The following BSN variants were observed in gnomAD, a reference collection of about 807,000 sequenced individuals.
BSN encodes bassoon presynaptic cytomatrix protein.
A neutral mutation model predicts 264.8 loss-of-function variants in BSN; 57 were observed. The ratio of observed to expected loss-of-function variants is 0.22; its 90% CI spans 0.17 to 0.27. The LOEUF is 0.27. Among genes scored for constraint, BSN ranks in the 10% least tolerant of loss-of-function variants. The probability of loss-of-function intolerance (pLI) is 1.00; values close to 1 mark genes in which losing one functional copy is unlikely to be tolerated. For synonymous variants in BSN, 2,059 were observed against 2,137.3 expected (o/e 0.96, Z 1.01); for missense variants, 4,615 against 5,232.5 (o/e 0.88, Z 3.64).
At chr3:49,629,625 G>A (rs1302726580) in intron 2 of BSN, among the ~76,000 whole-genome samples, 2 of 152,248 alleles carry the variant, frequency 1.3e-5, no homozygotes, top group East Asian at 1.9e-4. Context: ...CATCCCAGGA[G>A]TGACTGCGGT....
Position 49,642,873 on chromosome 3 carries a change from A to G in BSN, c.1239A>G (p.Lys413=). 3.1e-6 allele frequency: 5 copies of G among 1,613,834 alleles called. No individual in the cohort carries two copies. The highest frequency in any genetic ancestry group is 4.2e-6 in the Non-Finnish European group (5 of 1,179,996). The stretch of plus-strand genomic sequence containing the variant: ...GGCCTGGGCCAGCACCTGGAGCCAA[A>G]ACTGAGCCTGGGGCTAGAATGGGTC... The part of the protein sequence containing the change: ...GPGPGPAPGA[K]TEPGARMGPG... The change falls in exon 3 of 12, where the codon AAA becomes AAG. Residue 413 remains lysine (K), a synonymous_variant. Coordinates refer to ENST00000296452, the MANE Select transcript of BSN (RefSeq NM_003458.4). This position sits in a 1 kb window ranked among gnomAD's most constrained non-coding sequence, Gnocchi z 7.0.
chr3:49,611,552 G>A (rs941273184), intron 1 of BSN, among the ~76,000 whole-genome samples: 1 of 152,204 alleles, frequency 6.6e-6, no homozygotes, highest in African/African-American at 2.4e-5. Flanking sequence ...TGTGAAGAGG[G>A]CTGGCACTGG....
At chr3:49,628,275 T>C (rs1164974721) in intron 2 of BSN, among the ~76,000 whole-genome samples, 1 of 151,348 alleles carries the variant, frequency 6.6e-6, no homozygotes, top group African/African-American at 2.4e-5. Flanking sequence ...TTGTGCCGAA[T>C]GGCTGCATGA....
chr3:49,642,637 G>A lies in BSN; in HGVS notation c.1003G>A (p.Gly335Arg). ...CAAAAGTGCCACCGCAGTGCCCGCTGGGCTTGGTGCCACTGAGCAGACCCA... is the reference window on the plus strand; with the variant it reads ...CAAAAGTGCCACCGCAGTGCCCGCTAGGCTTGGTGCCACTGAGCAGACCCA... ...PAKSATAVPA[G>R]LGATEQTQEG... Residue 335 changes from glycine (G) to arginine (R), a missense_variant, in exon 3 of 12, where the codon GGG (glycine) becomes AGG (arginine). Around this residue, in one of 3 missense-constraint regions of BSN, gnomAD observed 1,197 missense variants for 1,348.0 expected, o/e 0.89. Coordinates refer to ENST00000296452, the MANE Select transcript of BSN (RefSeq NM_003458.4). This position sits in a 1 kb window ranked among gnomAD's most constrained non-coding sequence, Gnocchi z 7.0. 6.2e-7 allele frequency: 1 copy of A among 1,603,240 alleles called. No homozygotes were observed. Among genetic ancestry groups the A allele is most frequent in the Non-Finnish European group, 8.5e-7 (1 of 1,173,862 alleles).
Position 49,654,093 on chromosome 3 carries a change from C to G in BSN, c.4537C>G (p.Pro1513Ala), listed in dbSNP as rs148388413. 3.2e-5 allele frequency: 52 copies of G among 1,613,926 alleles called. No homozygotes were observed. Among genetic ancestry groups the G allele is most frequent in the South Asian group, 7.7e-5 (7 of 91,092 alleles). Residue 1513 changes from proline (P) to alanine (A), a missense_variant, in exon 5 of 12, where the codon CCT (proline) becomes GCT (alanine). Physicochemically the swap from Pro to Ala is conservative, Grantham distance 27 (BLOSUM62 -1). Coordinates refer to ENST00000296452, the MANE Select transcript of BSN (RefSeq NM_003458.4). The surrounding 1 kb of genome is among the most constrained non-coding windows in gnomAD (Gnocchi z 4.1). Reference protein sequence around the residue: ...EFSTQTPSPAPASDMPRSPGA... With the variant: ...EFSTQTPSPAAASDMPRSPGA... ...CTCTACACAGACGCCAAGTCCAGCC[C>G]CTGCCTCAGACATGCCACGGAGCCC...
At position 49,669,275 on chromosome 3, in the gene BSN, C is replaced by T. The variant is rs1404264191; in HGVS notation, c.*1790C>T. 6.6e-6 allele frequency: 1 copy of T among 152,652 alleles called. No homozygotes were observed. Among genetic ancestry groups the T allele is most frequent in the African/African-American group, 2.4e-5 (1 of 41,440 alleles). 9.5% of individuals were successfully genotyped at this position (152,652 alleles called of 1,614,324 possible). On this transcript the variant is annotated 3_prime_UTR_variant, in exon 12 of 12. Coordinates refer to ENST00000296452, the MANE Select transcript of BSN (RefSeq NM_003458.4). The stretch of plus-strand genomic sequence containing the variant: ...TGCAGGGCAGGCAGTAAAAGGCCCC[C>T]ACATACCCTGCAGTTTTCTCTGTCC...
At chr3:49,636,572 G>A (rs2052421806) in intron 2 of BSN, among the ~76,000 whole-genome samples, 1 of 152,152 alleles carries the variant, frequency 6.6e-6, no homozygotes, top group Non-Finnish European at 1.5e-5. Context: ...TCTCCCTTTC[G>A]TGGAGATCCA....
Position 49,654,311 on chromosome 3 carries a change from T to G in BSN, c.4755T>G (p.Thr1585=), listed in dbSNP as rs1289135438. 4 of 1,613,510 alleles carry G rather than the reference T, an allele frequency of 2.5e-6. No homozygotes were observed. Among genetic ancestry groups the G allele is most frequent in the Non-Finnish European group, 2.5e-6 (3 of 1,179,936 alleles). Residue 1585 remains threonine (T), a synonymous_variant, in exon 5 of 12, where the codon ACT becomes ACG. Coordinates refer to ENST00000296452, the MANE Select transcript of BSN (RefSeq NM_003458.4). The surrounding 1 kb of genome is among the most constrained non-coding windows in gnomAD (Gnocchi z 4.1). ...CCACCTCCCCGCTCTGCTCACCTAC[T>G]GAAACCCAGCCCACCACCCATGGCT... ...SASTSPLCSP[T]ETQPTTHGYS...
chr3:49,625,913 C>G lies in BSN; in HGVS notation c.633+530C>G, dbSNP rs145541815. Among the ~76,000 whole-genome samples the G allele has an allele frequency of 2.2e-4, 34 of 152,320 alleles. No homozygotes were observed. In the East Asian group the frequency reaches 6.2e-3, roughly 28 times the overall value. ...ACCTCTTCTTGGCTTTAGTTCTAGTCAGCTGGGGACCTGAGGTGGTGGGGC... is the reference window on the plus strand; with the variant it reads ...ACCTCTTCTTGGCTTTAGTTCTAGTGAGCTGGGGACCTGAGGTGGTGGGGC... On this transcript the variant is annotated intron_variant, in intron 2 of 11. Coordinates refer to ENST00000296452, the MANE Select transcript of BSN (RefSeq NM_003458.4). This position sits in a 1 kb window ranked among gnomAD's most constrained non-coding sequence, Gnocchi z 4.4.
chr3:49,565,070 C>T (rs994189921), intron 1 of BSN, among the ~76,000 whole-genome samples: 1 of 148,130 alleles, frequency 6.8e-6, no homozygotes, highest in African/African-American at 2.5e-5. Context: ...CACGTAGCTT[C>T]AACAATGATT....
chr3:49,558,431 T>A (rs1346992225), intron 1 of BSN, among the ~76,000 whole-genome samples: 1 of 152,246 alleles, frequency 6.6e-6, no homozygotes, highest in Non-Finnish European at 1.5e-5. Context: ...CAAAGGCAGC[T>A]AGGCACAGAG....
intron 1 of BSN, among the ~76,000 whole-genome samples, chr3:49,605,285 ATATATATTTT>A (rs2052103946): frequency 9.5e-6 from 1 of 105,660 alleles, no homozygotes; most frequent in Non-Finnish European, 1.8e-5. Context: ...ATATATATAC[ATATATATTTT>A]ATATATTATA....
downstream of BSN, among the ~76,000 whole-genome samples, chr3:49,672,810 C>T (rs1228114472): frequency 1.7e-5 from 2 of 114,960 alleles, no homozygotes; most frequent in African/African-American, 6.8e-5. Context: ...AAGATGGACT[C>T]TGGCTGTCGC....
intron 3 of BSN, among the ~76,000 whole-genome samples, chr3:49,647,522 G>A (rs2052510185): frequency 6.6e-6 from 1 of 152,218 alleles, no homozygotes; most frequent in African/African-American, 2.4e-5. Flanking sequence ...TAAGCAGGCA[G>A]CACTTTCCCA....
In BSN at chr3:49,668,939, T is replaced by G. The variant is rs1309691435; in HGVS notation, c.*1454T>G. On this transcript the variant is annotated 3_prime_UTR_variant, in exon 12 of 12. Transcript: ENST00000296452. The stretch of plus-strand genomic sequence containing the variant: ...AATTGCAAACATGCAATTGAGAAAC[T>G]GGATAGATACACTCATAAAACCCCC... 1.3e-5 allele frequency: 2 copies of G among 152,464 alleles called. No homozygotes were observed. The highest frequency in any genetic ancestry group is 4.8e-5 in the African/African-American group (2 of 41,444). The allele number at this position is 152,464 out of a possible 1,614,324, so 9.4% of individuals were successfully genotyped here.
intron 1 of BSN, among the ~76,000 whole-genome samples, chr3:49,582,305 A>AT (rs887220456): frequency 2.0e-5 from 3 of 151,976 alleles, no homozygotes; most frequent in African/African-American, 7.3e-5. Flanking sequence ...TCCTTTGCCT[A>AT]TTTTTGTTTT....
At chr3:49,664,308 C>T (rs755924652) in intron 8 of BSN, 115 bp from the exon 9 acceptor site, 2 of 1,378,872 alleles carry the variant, frequency 1.5e-6, no homozygotes, top group Non-Finnish European at 2.0e-6. Context: ...GCCTCCTTCT[C>T]ACCTTCCCAC....
intron 1 of BSN, among the ~76,000 whole-genome samples, chr3:49,605,743 A>ATATAACATATAAATG (rs2052127497): frequency 2.4e-5 from 1 of 40,934 alleles, no homozygotes; most frequent in African/African-American, 9.1e-5. Context: ...ATATATAAAT[A>ATATAACATATAAATG]TATATAATAT....
intron 2 of BSN, among the ~76,000 whole-genome samples, chr3:49,635,622 C>T: frequency 6.6e-6 from 1 of 152,102 alleles, no homozygotes; most frequent in East Asian, 1.9e-4. Flanking sequence ...TCCATTCTAC[C>T]ATCTATTTGT....
Sources: gnomAD v4.1 joint callset for allele counts (sites outside exome capture counted in the v4.1 genomes callset) on GRCh38, gnomAD v4.1.1 for gene constraint, gnomAD v4.1.1 regional missense constraint, Gnocchi (gnomAD v3.1) non-coding constraint, MANE v1.5 for transcripts, NCBI Gene and HGNC (gene_info 2026-07-23, HGNC 2026-07-21) for gene names.